The following MAP2 variants were observed in gnomAD, a reference collection of about 807,000 sequenced individuals.
MAP2 encodes the protein microtubule-associated protein 2.
MAP2 carries 14 observed loss-of-function variants against 137.6 expected under a neutral mutation model. That is an observed-to-expected ratio of 0.10 (90% CI 0.07 to 0.16). The LOEUF is 0.16. Ranked by LOEUF, MAP2 falls within the 10% of genes least tolerant of loss-of-function variation. MAP2 has a pLI of 1.00. For missense variants in MAP2, 2,088 were observed against 2,191.5 expected, an observed-to-expected ratio of 0.95 and a Z score of 0.94; for synonymous variants, 786 against 782.3, an observed-to-expected ratio of 1.00 and a Z score of -0.08.
At chr2:209,674,892 A>G (rs893222048) in intron 5 of MAP2, among the ~76,000 whole-genome samples, 1 of 151,720 alleles carries the variant, frequency 6.6e-6, no homozygotes, top group Non-Finnish European at 1.5e-5. Flanking sequence ...CACCCAGTAG[A>G]TCTGCTGATG....
intron 3 of MAP2, among the ~76,000 whole-genome samples, chr2:209,593,943 TTA>T (rs752035026): frequency 1.5e-5 from 2 of 131,098 alleles, no homozygotes; most frequent in Non-Finnish European, 3.1e-5. Flanking sequence ...AAATATATAT[TTA>T]TATATATATA....
chr2:209,684,962 A>C (rs1163289119), intron 7 of MAP2, among the ~76,000 whole-genome samples: 2 of 151,102 alleles, frequency 1.3e-5, no homozygotes, highest in Non-Finnish European at 3.0e-5. Flanking sequence ...GTCTGAGTAC[A>C]CTGAAGACAC....
chr2:209,602,817 A>C (rs1363818967), intron 3 of MAP2, among the ~76,000 whole-genome samples: 2 of 152,186 alleles, frequency 1.3e-5, no homozygotes, highest in Non-Finnish European at 2.9e-5. Context: ...TCTCTAAGTC[A>C]ATATTACACA....
intron 13 of MAP2, among the ~76,000 whole-genome samples, chr2:209,725,050 A>G (rs2073340864): frequency 6.6e-6 from 1 of 152,214 alleles, no homozygotes. Flanking sequence ...TGTCCTCATG[A>G]TATCTGATTC....
intron 3 of MAP2, among the ~76,000 whole-genome samples, chr2:209,583,421 T>TA (rs2076982925): frequency 6.6e-6 from 1 of 152,032 alleles, no homozygotes; most frequent in African/African-American, 2.4e-5. Flanking sequence ...ATAAGAAAAT[T>TA]AGAGAATCCA....
In MAP2 at chr2:209,653,352, A is replaced by G. The variant is rs370545736; in HGVS notation, c.182A>G (p.His61Arg). 4 of 1,614,140 alleles carry G rather than the reference A, an allele frequency of 2.5e-6. No homozygotes were observed. The East Asian group carries it at 6.7e-5, about 27-fold the overall frequency. ...REDEEGAFGE[H>R]GSQGTYSNTK... ...GATGAAGAGGGTGCCTTTGGAGAGC[A>G]TGGGTCACAGGGCACCTATTCAAAT... Residue 61 changes from histidine to arginine, a missense_variant, in exon 5 of 16, where the codon CAT becomes CGT. Transcript: ENST00000682079.
intron 7 of MAP2, among the ~76,000 whole-genome samples, chr2:209,687,571 C>T (rs1463527205): frequency 6.6e-6 from 1 of 152,166 alleles, no homozygotes; most frequent in Admixed American, 6.5e-5. Context: ...CATCCTCCAT[C>T]AGCTTGATCT....
chr2:209,610,653 A>G (rs1403832098), intron 3 of MAP2, among the ~76,000 whole-genome samples: 2 of 152,150 alleles, frequency 1.3e-5, no homozygotes, highest in Non-Finnish European at 2.9e-5. Flanking sequence ...CTCCAATTCA[A>G]TTTTGTGAAG....
chr2:209,564,864 C>T (rs570466436), intron 2 of MAP2, among the ~76,000 whole-genome samples: 2 of 152,242 alleles, frequency 1.3e-5, no homozygotes, highest in South Asian at 4.1e-4. Context: ...GCCCTCATTG[C>T]AATGTGTTGT....
intron 1 of MAP2, among the ~76,000 whole-genome samples, chr2:209,434,492 T>C: frequency 6.6e-6 from 1 of 151,766 alleles, no homozygotes; most frequent in East Asian, 1.9e-4. Flanking sequence ...TGTAAATTAC[T>C]TTAATGTGGA....
chr2:209,662,418 G>A lies in MAP2; in HGVS notation c.262+8986G>A, dbSNP rs1449071732. 1.1e-4 allele frequency among the ~76,000 whole-genome samples: 17 copies of A among 152,092 alleles called. 1 individual carries two copies. The South Asian group carries it at 1.2e-3, about 11-fold the overall frequency. On this transcript the variant is annotated intron_variant, in intron 5 of 15. Transcript: ENST00000682079. The stretch of plus-strand genomic sequence containing the variant: ...TATTTTGTTGAATTTGAATCTTAAC[G>A]AAACAGATTTTTGCCAATGACAATT...
At chr2:209,716,550 A>T (rs1023699966) in intron 13 of MAP2, among the ~76,000 whole-genome samples, 9 of 152,174 alleles carry the variant, frequency 5.9e-5, no homozygotes, top group African/African-American at 2.2e-4. Flanking sequence ...TTTTTAGCTC[A>T]TCAGCTATGA....
intron 1 of MAP2, among the ~76,000 whole-genome samples, chr2:209,433,042 A>G (rs1694746386): frequency 6.6e-6 from 1 of 152,086 alleles, no homozygotes; most frequent in African/African-American, 2.4e-5. Context: ...CCCATGGTTC[A>G]TTCACTTATT....
rs148802483 is a variant in MAP2 at position 209,625,769 on chromosome 2, C to T, written c.-30+640C>T. Among the ~76,000 whole-genome samples, 148 of 152,224 alleles carry T rather than the reference C, an allele frequency of 9.7e-4. 2 individuals are homozygous for T. In the East Asian group the frequency reaches 0.026, roughly 27 times the overall value. Reference sequence around the variant, plus strand: ...AAAATAACAGTGCATTTACTGAACGCGCTATAAATGCATAGCAGATAAACT... The same window carrying T: ...AAAATAACAGTGCATTTACTGAACGTGCTATAAATGCATAGCAGATAAACT... On this transcript the variant is annotated intron_variant, in intron 4 of 15. Coordinates refer to ENST00000682079, the MANE Select transcript of MAP2 (RefSeq NM_001375505.1).
At chr2:209,610,254 C>T (rs2086353868) in intron 3 of MAP2, among the ~76,000 whole-genome samples, 1 of 151,906 alleles carries the variant, frequency 6.6e-6, no homozygotes, top group Non-Finnish European at 1.5e-5. Flanking sequence ...GGAGAAATGA[C>T]AGAGGCAAGG....
chr2:209,487,338 T>G (rs886332851), intron 1 of MAP2, among the ~76,000 whole-genome samples: 2 of 152,200 alleles, frequency 1.3e-5, no homozygotes, highest in African/African-American at 4.8e-5. Flanking sequence ...AGATTTGCTT[T>G]ATTGTCAAGG....
intron 3 of MAP2, among the ~76,000 whole-genome samples, chr2:209,596,357 G>A (rs908097224): frequency 1.3e-5 from 2 of 152,114 alleles, no homozygotes; most frequent in Non-Finnish European, 2.9e-5. Context: ...AGCACACCAC[G>A]TGAATGTATG....
Position 209,588,312 on chromosome 2 carries a change from G to GT in MAP2, c.-107+8218dup, listed in dbSNP as rs551481463. Among the ~76,000 whole-genome samples, 583 of 152,224 alleles carry GT rather than the reference G, an allele frequency of 3.8e-3. 2 individuals carry two copies. Among genetic ancestry groups the GT allele is most frequent in the Non-Finnish European group, 5.9e-3 (401 of 67,976 alleles). The stretch of plus-strand genomic sequence containing the variant: ...CAAAATAGAAGTCTGAGTAAGTTTT[G>GT]TTTTTTGTTTTTGTTTTTGTTTTGT... On this transcript the variant is annotated intron_variant, in intron 3 of 15. Coordinates refer to ENST00000682079, the MANE Select transcript of MAP2 (RefSeq NM_001375505.1).
At chr2:209,717,291 G>A (rs780664501) in intron 13 of MAP2, among the ~76,000 whole-genome samples, 1 of 152,124 alleles carries the variant, frequency 6.6e-6, no homozygotes, top group Non-Finnish European at 1.5e-5. Context: ...TGAAGAAGGT[G>A]CCTGCTTTAA....
Sources: gnomAD v4.1 joint callset for allele counts (sites outside exome capture counted in the v4.1 genomes callset) on GRCh38, gnomAD v4.1.1 for gene constraint, MANE v1.5 for transcripts, NCBI Gene and HGNC (gene_info 2026-07-23, HGNC 2026-07-21) for gene names.